The following SLC46A2 variants were observed in gnomAD, a reference collection of about 807,000 sequenced individuals.
The protein encoded by SLC46A2 is solute carrier family 46 member 2, also known as thymic stromal co-transporter.
SLC46A2 carries 25 observed loss-of-function variants against 33.1 expected under a neutral mutation model. The observed-to-expected ratio is 0.76, with a 90% confidence interval of 0.55 to 1.06. The LOEUF (loss-of-function observed/expected upper bound fraction) is 1.06, where lower values mean the gene tolerates loss of function less well. Ranked by LOEUF, SLC46A2 falls within the 50% of genes least tolerant of loss-of-function variation. The pLI, the probability that SLC46A2 is intolerant of heterozygous loss-of-function variation, is 0.00. For synonymous variants in SLC46A2, 254 were observed against 275.9 expected (o/e 0.92, Z 0.79); for missense variants, 622 against 621.7 (o/e 1.00, Z 0.00).
chr9:112,885,927 A>T (rs1411777781), intron 3 of SLC46A2, among the ~76,000 whole-genome samples: 1 of 152,166 alleles, frequency 6.6e-6, no homozygotes, highest in African/African-American at 2.4e-5. Context: ...TGGTCTCCAT[A>T]GAGTGCTCTG....
chr9:112,887,832 C>A (rs1588150338), intron 1 of SLC46A2, among the ~76,000 whole-genome samples: 1 of 152,232 alleles, frequency 6.6e-6, no homozygotes, highest in East Asian at 1.9e-4. Context: ...GGCAAATTGC[C>A]TCCAGCAATG....
Position 112,890,051 on chromosome 9 carries a change from A to C in SLC46A2, c.631T>G (p.Cys211Gly), listed in dbSNP as rs757764932. 1.4e-5 allele frequency: 23 copies of C among 1,613,802 alleles called. No homozygotes were observed. Among genetic ancestry groups the C allele is most frequent in the Non-Finnish European group, 3.4e-6 (4 of 1,180,018 alleles). The stretch of plus-strand genomic sequence containing the variant: ...GCAAACGAGGCACAGCTCACGCTGC[A>C]GGCCGTCAGTATCAGGCCCTGCCCA... ...HSGQGLILTA[C>G]SVSCASFALL... is the part of the protein sequence containing the mutation. Residue 211 changes from cysteine (C) to glycine (G), a missense_variant, in exon 1 of 4, where the codon TGC becomes GGC. By Grantham distance (159) the Cys-to-Gly change is radical. Transcript: ENST00000374228. The surrounding 1 kb of genome is among the most constrained non-coding windows in gnomAD (Gnocchi z 6.0).
Position 112,890,381 on chromosome 9 carries a change from C to A in SLC46A2, c.301G>T (p.Asp101Tyr). Residue 101 changes from aspartate (D) to tyrosine (Y), a missense_variant, in exon 1 of 4, where the codon GAC becomes TAC. Physicochemically the swap from Asp to Tyr is radical, Grantham distance 160. Transcript: ENST00000374228. The surrounding 1 kb of genome is among the most constrained non-coding windows in gnomAD (Gnocchi z 6.0). Reference protein sequence around the residue: ...LSAYGLGWLSDRYHRKISICM... With the variant: ...LSAYGLGWLSYRYHRKISICM... ...ATGGAGATCTTTCGGTGGTAGCGGT[C>A]GCTGAGCCATCCCAGCCCGTAGGCG... 1 of 1,614,060 alleles carries A rather than the reference C, an allele frequency of 6.2e-7. No homozygotes were observed. The highest frequency in any genetic ancestry group is 8.5e-7 in the Non-Finnish European group (1 of 1,180,004).
intron 3 of SLC46A2, among the ~76,000 whole-genome samples, chr9:112,884,930 A>G (rs1279263946): frequency 6.6e-6 from 1 of 152,214 alleles, no homozygotes; most frequent in Non-Finnish European, 1.5e-5. Context: ...TCATTTGGCC[A>G]GAGGCTGGGA....
intron 3 of SLC46A2, among the ~76,000 whole-genome samples, chr9:112,886,037 C>T (rs1841638423): frequency 6.6e-6 from 1 of 152,224 alleles, no homozygotes; most frequent in Admixed American, 6.5e-5. Context: ...TTCAGCCGCA[C>T]TGAGCACAGA....
chr9:112,890,574 G>A lies in SLC46A2; in HGVS notation c.108C>T (p.Tyr36=). ...TCACCACGAGGAGTAGCCCCGCATC[G>A]TAGAGGGAGGCAGCCACCTGGGACG... is the stretch of plus-strand genomic sequence containing the variant. ...VASSQVAASL[Y]DAGLLLVVKA... Residue 36 remains tyrosine, a synonymous_variant, in exon 1 of 4, where the codon TAC becomes TAT. Coordinates refer to ENST00000374228, the MANE Select transcript of SLC46A2 (RefSeq NM_033051.4). This position sits in a 1 kb window ranked among gnomAD's most constrained non-coding sequence, Gnocchi z 6.0. 6 of 1,612,374 alleles carry A rather than the reference G, an allele frequency of 3.7e-6. No homozygotes were observed. Among genetic ancestry groups the A allele is most frequent in the Non-Finnish European group, 5.1e-6 (6 of 1,179,990 alleles).
Position 112,879,361 on chromosome 9 carries a change from C to A in SLC46A2, c.*401G>T, listed in dbSNP as rs76763147. ...CTCCCATGGGACTTTCAGCACAGCACCCAGGTGACTAGTTAGCTATACTTT... is the reference window on the plus strand; with the variant it reads ...CTCCCATGGGACTTTCAGCACAGCAACCAGGTGACTAGTTAGCTATACTTT... On this transcript the variant is annotated 3_prime_UTR_variant, in exon 4 of 4. Coordinates refer to ENST00000374228, the MANE Select transcript of SLC46A2 (RefSeq NM_033051.4). 2,060 of 171,784 alleles carry A rather than the reference C, an allele frequency of 0.012. 35 individuals are homozygous for A. Among genetic ancestry groups the A allele is most frequent in the African/African-American group, 0.046 (1,945 of 42,378 alleles). 10.6% of individuals were successfully genotyped at this position (171,784 alleles called of 1,614,324 possible). A position where few individuals can be genotyped will look rare whatever the true frequency, so the allele number is the denominator to read the frequency against.
chr9:112,890,567 C>T lies in SLC46A2; in HGVS notation c.115G>A (p.Gly39Arg), dbSNP rs1434980421. The T allele has an allele frequency of 1.9e-6, 3 of 1,612,894 alleles. No individual in the cohort carries two copies. The highest frequency in any genetic ancestry group is 1.7e-4 in the Middle Eastern group (1 of 6,060). ...GACGCCTTCACCACGAGGAGTAGCCCCGCATCGTAGAGGGAGGCAGCCACC... is the reference window on the plus strand; with the variant it reads ...GACGCCTTCACCACGAGGAGTAGCCTCGCATCGTAGAGGGAGGCAGCCACC... Reference protein sequence around the residue: ...SQVAASLYDAGLLLVVKASYG... With the variant: ...SQVAASLYDARLLLVVKASYG... Residue 39 changes from glycine to arginine, a missense_variant, in exon 1 of 4, where the codon GGG becomes AGG. Gly to Arg is a moderately radical substitution (Grantham distance 125). Coordinates refer to ENST00000374228, the MANE Select transcript of SLC46A2 (RefSeq NM_033051.4). This position sits in a 1 kb window ranked among gnomAD's most constrained non-coding sequence, Gnocchi z 6.0.
Position 112,890,314 on chromosome 9 carries a change from A to C in SLC46A2, c.368T>G (p.Leu123Arg). Residue 123 changes from leucine (L) to arginine (R), a missense_variant, in exon 1 of 4, where the codon CTG becomes CGG. Transcript: ENST00000374228. This position sits in a 1 kb window ranked among gnomAD's most constrained non-coding sequence, Gnocchi z 6.0. ...CCAGTCCAGCAGCACCTTGAGCAGCAGCCCGAGGCGGGAGAGCAGGAAGCC... is the reference window on the plus strand; with the variant it reads ...CCAGTCCAGCAGCACCTTGAGCAGCCGCCCGAGGCGGGAGAGCAGGAAGCC... Reference protein sequence around the residue: ...LLGFLLSRLGLLLKVLLDWPV... With the variant: ...LLGFLLSRLGRLLKVLLDWPV... The C allele has an allele frequency of 1.2e-6, 2 of 1,613,848 alleles. No individual in the cohort carries two copies. The highest frequency in any genetic ancestry group is 1.7e-6 in the Non-Finnish European group (2 of 1,179,972).
chr9:112,887,725 C>T (rs1841661878), intron 1 of SLC46A2, among the ~76,000 whole-genome samples: 1 of 152,148 alleles, frequency 6.6e-6, no homozygotes, highest in Admixed American at 6.5e-5. Context: ...ACTGGTACCA[C>T]CAAAGTGACA....
rs891511859 is a variant in SLC46A2, at chr9:112,890,081, G to A, written c.601C>T (p.His201Tyr). 6.2e-7 allele frequency: 1 copy of A among 1,613,746 alleles called. No homozygotes were observed. Among genetic ancestry groups the A allele is most frequent in the Non-Finnish European group, 8.5e-7 (1 of 1,179,982 alleles). ...GTCAGTATCAGGCCCTGCCCAGAGTGCCCAGCCATCTGCTTGAAGAGATGC... is the reference window on the plus strand; with the variant it reads ...GTCAGTATCAGGCCCTGCCCAGAGTACCCAGCCATCTGCTTGAAGAGATGC... ...SGHLFKQMAGHSGQGLILTAC... is the reference protein window; with the variant it reads ...SGHLFKQMAGYSGQGLILTAC... The change falls in exon 1 of 4, where the codon CAC (histidine) becomes TAC (tyrosine). Residue 201 changes from histidine to tyrosine, a missense_variant. Transcript: ENST00000374228. This position sits in a 1 kb window ranked among gnomAD's most constrained non-coding sequence, Gnocchi z 6.0.
In SLC46A2 at chr9:112,888,897, T is replaced by TTG. The variant is rs1298551136; in HGVS notation, c.1129+655_1129+656insCA. Among the ~76,000 whole-genome samples the TTG allele has an allele frequency of 4.1e-3, 586 of 141,826 alleles. 5 individuals carry two copies. Among genetic ancestry groups the TTG allele is most frequent in the African/African-American group, 0.014 (517 of 37,664 alleles). 93.0% of individuals were successfully genotyped at this position (141,826 alleles called of 152,430 possible). Reference sequence around the variant, plus strand: ...CGTTTTTTTTTTTTTGTTTGTTTGTTTTTTTTTTTTTGAGACAGAGTCTTG... The same window carrying TTG: ...CGTTTTTTTTTTTTTGTTTGTTTGTTTGTTTTTTTTTTTGAGACAGAGTCTTG... On this transcript the variant is annotated intron_variant, in intron 1 of 3. Coordinates refer to ENST00000374228, the MANE Select transcript of SLC46A2 (RefSeq NM_033051.4).
chr9:112,889,255 G>T (rs1486791982), intron 1 of SLC46A2, among the ~76,000 whole-genome samples: 2 of 152,128 alleles, frequency 1.3e-5, no homozygotes, highest in Admixed American at 1.3e-4. Context: ...CATCTCCTCT[G>T]TTGAAGGCCA....
intron 3 of SLC46A2, chr9:112,885,135 C>A (rs1173617885): frequency 6.6e-6 from 1 of 152,104 alleles, no homozygotes; most frequent in Admixed American, 6.6e-5. Context: ...ATTTGGTCTT[C>A]CTATCTTATT....
chr9:112,887,940 TGTGTGTGAGAGA>T (rs1005629440), intron 1 of SLC46A2, among the ~76,000 whole-genome samples: 9 of 144,160 alleles, frequency 6.2e-5, no homozygotes, highest in African/African-American at 2.4e-4. Flanking sequence ...TGTGTGTGTG[TGTGTGTGAGAGA>T]GAGAGAGAGA....
At chr9:112,887,944 T>TGA (rs1241461332) in intron 1 of SLC46A2, among the ~76,000 whole-genome samples, 1,824 of 143,538 alleles carry the variant, frequency 0.013, 20 homozygotes, top group Admixed American at 0.042. Context: ...TGTGTGTGTG[T>TGA]GTGAGAGAGA....
Position 112,890,262 on chromosome 9 carries a change from C to T in SLC46A2, c.420G>A (p.Ala140=). The part of the protein sequence containing the change: ...DWPVEVLYGA[A]ALNGLFGGFS... ...AGCCGCCGAATAGCCCGTTCAGCGCCGCCGCCCCGTACAGCACCTCCACTG... is the reference window on the plus strand; with the variant it reads ...AGCCGCCGAATAGCCCGTTCAGCGCTGCCGCCCCGTACAGCACCTCCACTG... The change falls in exon 1 of 4, where the codon GCG becomes GCA. Residue 140 remains alanine (A), a synonymous_variant. Transcript: ENST00000374228. The surrounding 1 kb of genome is among the most constrained non-coding windows in gnomAD (Gnocchi z 6.0). 1 of 1,613,330 alleles carries T rather than the reference C, an allele frequency of 6.2e-7. No individual in the cohort carries two copies. Among genetic ancestry groups the T allele is most frequent in the Non-Finnish European group, 8.5e-7 (1 of 1,179,886 alleles).
At chr9:112,886,666 A>T in intron 2 of SLC46A2, 50 bp from the exon 3 acceptor site, 1 of 1,600,650 alleles carries the variant, frequency 6.2e-7, no homozygotes, top group Non-Finnish European at 8.5e-7. Flanking sequence ...TCCCTGCCTC[A>T]CTCCCCATTA....
chr9:112,887,240 C>T (rs3802493), intron 2 of SLC46A2, 90 bp downstream of exon 2: 336,391 of 1,179,990 alleles, frequency 0.29, 51,762 homozygotes, highest in East Asian at 0.54. Context: ...GGAACTGTCT[C>T]AAGTGCCTTC....
Sources: gnomAD v4.1 joint callset for allele counts (sites outside exome capture counted in the v4.1 genomes callset) on GRCh38, gnomAD v4.1.1 for gene constraint, Gnocchi (gnomAD v3.1) non-coding constraint, MANE v1.5 for transcripts, NCBI Gene and HGNC (gene_info 2026-07-23, HGNC 2026-07-21) for gene names.